The following PPWD1 variants were observed in gnomAD, a reference collection of about 807,000 sequenced individuals.
The protein encoded by PPWD1 is peptidylprolyl isomerase domain and WD repeat-containing protein 1.
Under a neutral mutation model 68.8 loss-of-function variants are expected in PPWD1, and 43 were observed. The ratio of observed to expected loss-of-function variants is 0.62; its 90% CI spans 0.49 to 0.81. The LOEUF is 0.81. PPWD1 is among the 30% of genes least tolerant of loss of function. The pLI is 0.00. For synonymous variants in PPWD1, 232 were observed against 258.7 expected (o/e 0.90, Z 0.99); for missense variants, 672 against 804.8 (o/e 0.83, Z 2.00).
intron 7 of PPWD1, among the ~76,000 whole-genome samples, chr5:65,580,290 C>T (rs1249543301): frequency 6.6e-6 from 1 of 152,210 alleles, no homozygotes; most frequent in African/African-American, 2.4e-5. Flanking sequence ...TATTTTCTGC[C>T]TAATACCCTT....
At chr5:65,564,318 C>CTTTTTTTTTTT in intron 1 of PPWD1, among the ~76,000 whole-genome samples, 1 of 117,230 alleles carries the variant, frequency 8.5e-6, no homozygotes, top group Non-Finnish European at 1.7e-5. Context: ...TTTTCTCTCT[C>CTTTTTTTTTTT]TTTTTTTTTT....
At chr5:65,584,981 T>C in intron 8 of PPWD1, 33 bp from the exon 9 acceptor site, 2 of 1,604,624 alleles carry the variant, frequency 1.2e-6, no homozygotes, top group South Asian at 2.3e-5. Context: ...ATGCTCTGAA[T>C]AGGTTTCATA....
chr5:65,572,055 GATTGAATACTGGAC>G lies in PPWD1; in HGVS notation c.739_752del (p.Ile247TrpfsTer5). 6.2e-7 allele frequency: 1 copy of G among 1,613,962 alleles called. No homozygotes were observed. Among genetic ancestry groups the G allele is most frequent in the Non-Finnish European group, 8.5e-7 (1 of 1,179,856 alleles). Reference sequence around the variant, plus strand: ...TAGTGTCTTCTGACAAATCTGGGATGATTGAATACTGGACTGGGCCTCCTCATGAATATAAATTC... The same window carrying G: ...TAGTGTCTTCTGACAAATCTGGGATGTGGGCCTCCTCATGAATATAAATTC... On this transcript the variant is annotated frameshift_variant, in exon 5 of 11. Transcript: ENST00000261308. LOFTEE classifies it high-confidence loss of function.
At chr5:65,582,052 C>A (rs1436770765) in intron 7 of PPWD1, among the ~76,000 whole-genome samples, 1 of 152,078 alleles carries the variant, frequency 6.6e-6, no homozygotes, top group East Asian at 1.9e-4. Context: ...ACATGCCATT[C>A]CTTTGAAAAC....
chr5:65,578,793 T>C (rs1490377010), intron 6 of PPWD1, among the ~76,000 whole-genome samples: 1 of 145,826 alleles, frequency 6.9e-6, no homozygotes, highest in Non-Finnish European at 1.5e-5. Flanking sequence ...TGTATATATA[T>C]ATACATATAT....
In PPWD1 at chr5:65,578,471, T is replaced by C. The variant is rs571002547; in HGVS notation, c.1161-953T>C. Among the ~76,000 whole-genome samples the C allele has an allele frequency of 3.3e-5, 5 of 152,314 alleles. No individual in the cohort carries two copies. The South Asian group carries it at 1.0e-3, about 32-fold the overall frequency. ...CCCACCAGCAATGAATGAGTGTTCC[T>C]GTCACTCCACATCTGTGCCACCATT... On this transcript the variant is annotated intron_variant, in intron 6 of 10. Transcript: ENST00000261308.
intron 7 of PPWD1, among the ~76,000 whole-genome samples, chr5:65,580,804 G>A (rs908097316): frequency 2.6e-5 from 4 of 152,076 alleles, no homozygotes; most frequent in South Asian, 2.1e-4. Flanking sequence ...GTGAGCCACC[G>A]CACCCAGCCT....
chr5:65,578,452 A>G (rs1213359660), intron 6 of PPWD1, among the ~76,000 whole-genome samples: 1 of 152,192 alleles, frequency 6.6e-6, no homozygotes, highest in African/African-American at 2.4e-5. Flanking sequence ...CATTCCCACC[A>G]GCAATGAATG....
intron 1 of PPWD1, 105 bp downstream of exon 1, chr5:65,563,611 CAGAA>C: frequency 7.0e-7 from 1 of 1,431,998 alleles, no homozygotes; most frequent in Non-Finnish European, 9.4e-7. Flanking sequence ...TTTGTGCCCT[CAGAA>C]CAGAGGGCCG....
intron 5 of PPWD1, 71 bp downstream of exon 5, chr5:65,572,357 G>C: frequency 2.9e-6 from 4 of 1,390,938 alleles, no homozygotes; most frequent in Non-Finnish European, 3.9e-6. Context: ...TTTCTTGAAA[G>C]ATCTTTTTTC....
At chr5:65,576,632 C>T (rs13436616) in intron 5 of PPWD1, among the ~76,000 whole-genome samples, 1 of 152,108 alleles carries the variant, frequency 6.6e-6, no homozygotes, top group African/African-American at 2.4e-5. Context: ...GCCTTGGCCT[C>T]CCAAAATGCT....
intron 8 of PPWD1, among the ~76,000 whole-genome samples, chr5:65,584,189 T>G (rs1196212190): frequency 6.6e-6 from 1 of 152,152 alleles, no homozygotes; most frequent in Non-Finnish European, 1.5e-5. Flanking sequence ...AACAAATAAC[T>G]AGGCAGCTCT....
In PPWD1 at chr5:65,583,440, A is replaced by G. The variant is rs914851442; in HGVS notation, c.1532+221A>G. 3 of 369,228 alleles carry G rather than the reference A, an allele frequency of 8.1e-6. No individual in the cohort carries two copies. The Admixed American group carries it at 1.3e-4, about 16-fold the overall frequency. The allele number at this position is 369,228 out of a possible 1,614,324, so 22.9% of individuals were successfully genotyped here. A position where few individuals can be genotyped will look rare whatever the true frequency, so the allele number is the denominator to read the frequency against. ...TTTATAGGTTCATTACGAGGACAAA[A>G]TGTATTGGCTATGAAAGTGCTGAGT... On this transcript the variant is annotated intron_variant, in intron 8 of 10. Transcript: ENST00000261308.
At position 65,563,430 on chromosome 5, in the gene PPWD1, G is replaced by A; in HGVS notation, c.120G>A (p.Gln40=). 6.2e-7 allele frequency: 1 copy of A among 1,614,152 alleles called. No homozygotes were observed. The change falls in exon 1 of 11, where the codon CAG becomes CAA. Residue 40 remains glutamine, a synonymous_variant. Transcript: ENST00000261308. ...RELAVAVAVS[Q]ENDEENEERW... ...TGGCAGTAGCAGTGGCGGTGTCCCAGGAGAACGATGAGGAGAACGAAGAGC... is the reference window on the plus strand; with the variant it reads ...TGGCAGTAGCAGTGGCGGTGTCCCAAGAGAACGATGAGGAGAACGAAGAGC...
intron 5 of PPWD1, 100 bp downstream of exon 5, chr5:65,572,386 T>TA (rs1275818283): frequency 1.3e-5 from 16 of 1,229,258 alleles, no homozygotes; most frequent in Non-Finnish European, 1.8e-5. Flanking sequence ...GACATTTAGA[T>TA]AGACTTATTT....
intron 9 of PPWD1, 112 bp from the exon 10 acceptor site, chr5:65,585,887 T>C: frequency 6.8e-7 from 1 of 1,460,056 alleles, no homozygotes; most frequent in Non-Finnish European, 9.1e-7. Context: ...AATCACTTTA[T>C]AGTGACAGTT....
chr5:65,569,510 GT>G (rs200678289), intron 2 of PPWD1, 121 bp from the exon 3 acceptor site: 13 of 1,149,438 alleles, frequency 1.1e-5, no homozygotes, highest in East Asian at 3.0e-5. Flanking sequence ...TTAAAGAAGG[GT>G]TTTTTTTAAA....
chr5:65,585,888 A>G, intron 9 of PPWD1, 111 bp from the exon 10 acceptor site: 1 of 1,462,252 alleles, frequency 6.8e-7, no homozygotes, highest in Non-Finnish European at 9.1e-7. Context: ...ATCACTTTAT[A>G]GTGACAGTTA....
chr5:65,582,010 T>TA (rs1331378624), intron 7 of PPWD1, among the ~76,000 whole-genome samples: 1 of 152,190 alleles, frequency 6.6e-6, no homozygotes, highest in Non-Finnish European at 1.5e-5. Flanking sequence ...GTCATAACTT[T>TA]AAAAAATTCA....
Sources: gnomAD v4.1 joint callset for allele counts (sites outside exome capture counted in the v4.1 genomes callset) on GRCh38, gnomAD v4.1.1 for gene constraint, MANE v1.5 for transcripts, NCBI Gene and HGNC (gene_info 2026-07-23, HGNC 2026-07-21) for gene names.